KLC1: variants seen among roughly 807,000 people sequenced by gnomAD.
KLC1 encodes kinesin 2 60/70kDa.
KLC1 carries 30 observed loss-of-function variants against 84.2 expected under a neutral mutation model. That is an observed-to-expected ratio of 0.36 (90% CI 0.27 to 0.48). The LOEUF is 0.48. KLC1 is among the 20% of genes least tolerant of loss of function. KLC1 has a pLI of 0.99. For missense variants in KLC1, 499 were observed against 805.4 expected (o/e 0.62, Z 4.60); for synonymous variants, 289 against 293.3 (o/e 0.99, Z 0.15).
intron 1 of KLC1, among the ~76,000 whole-genome samples, chr14:103,649,299 C>T (rs535957924): frequency 6.6e-6 from 1 of 151,930 alleles, no homozygotes; most frequent in South Asian, 2.1e-4. Flanking sequence ...AACCACAATA[C>T]TATATAATTG....
chr14:103,669,710 T>A, intron 6 of KLC1, 112 bp downstream of exon 6: 1 of 746,404 alleles, frequency 1.3e-6, no homozygotes, highest in Non-Finnish European at 2.3e-6. Context: ...GTGCTGCCTT[T>A]TCCCTAGATG....
intron 13 of KLC1, 50 bp downstream of exon 13, chr14:103,679,595 G>A (rs201552029): frequency 7.0e-7 from 1 of 1,437,952 alleles, no homozygotes; most frequent in South Asian, 1.2e-5. Context: ...CCCCCAAGTG[G>A]CGCTTGCCAG....
intron 3 of KLC1, among the ~76,000 whole-genome samples, chr14:103,659,622 T>A (rs1372543133): frequency 6.6e-6 from 1 of 152,230 alleles, no homozygotes; most frequent in African/African-American, 2.4e-5. Context: ...AATACCTGTA[T>A]GATGCCAGAC....
At chr14:103,657,504 G>A (rs2151520075) in intron 2 of KLC1, 42 bp from the exon 3 acceptor site, 5 of 1,540,300 alleles carry the variant, frequency 3.2e-6, no homozygotes, top group East Asian at 4.5e-5. Flanking sequence ...GACTCTTGCT[G>A]GACAACGTGC....
intron 15 of KLC1, chr14:103,698,214 C>G (rs1470306247): frequency 2.3e-5 from 4 of 170,344 alleles, no homozygotes; most frequent in Non-Finnish European, 3.8e-5. Context: ...CACCTTGTAC[C>G]ACACTGAAGT....
intron 1 of KLC1, among the ~76,000 whole-genome samples, chr14:103,632,791 C>G (rs2076783350): frequency 6.6e-6 from 1 of 152,066 alleles, no homozygotes; most frequent in Non-Finnish European, 1.5e-5. Flanking sequence ...TGGGCAGGTA[C>G]CACAGACCAG....
At chr14:103,698,869 G>T in intron 15 of KLC1, 1 of 1,607,232 alleles carries the variant, frequency 6.2e-7, no homozygotes, top group Non-Finnish European at 8.5e-7. Flanking sequence ...GAGGAGGGGG[G>T]CAGGTGGGGG....
rs3212130 is a variant in KLC1 at position 103,697,307 on chromosome 14, G to A, written c.1849-3348G>A. 240 of 213,132 alleles carry A rather than the reference G, an allele frequency of 1.1e-3. 7 individuals carry two copies. The East Asian group carries it at 0.042, about 37-fold the overall frequency. 13.2% of individuals were successfully genotyped at this position (213,132 alleles called of 1,614,324 possible). A position where few individuals can be genotyped will look rare whatever the true frequency, so the allele number is the denominator to read the frequency against. On this transcript the variant is annotated intron_variant, in intron 15 of 16. Coordinates refer to ENST00000334553, the MANE Select transcript of KLC1 (RefSeq NM_001394837.1). ...AACGGATTGTCCCACCCTGGAAAAC[G>A]GCAAACAGAAAAATTCTGCACAGTA... is the stretch of plus-strand genomic sequence containing the variant.
intron 2 of KLC1, among the ~76,000 whole-genome samples, chr14:103,655,117 T>A (rs957956885): frequency 6.6e-6 from 1 of 151,804 alleles, no homozygotes; most frequent in Admixed American, 6.6e-5. Flanking sequence ...ATCCAGCTAC[T>A]AGGCAGGCTT....
intron 1 of KLC1, among the ~76,000 whole-genome samples, chr14:103,648,452 T>C (rs2078126711): frequency 6.6e-6 from 1 of 152,074 alleles, no homozygotes; most frequent in Non-Finnish European, 1.5e-5. Context: ...CCTCAGAATG[T>C]GGTAGTACGA....
intron 1 of KLC1, among the ~76,000 whole-genome samples, chr14:103,639,934 T>G (rs1479696273): frequency 6.6e-6 from 1 of 151,836 alleles, no homozygotes; most frequent in Non-Finnish European, 1.5e-5. Context: ...TTGGTATTTT[T>G]TTTTAGGATG....
chr14:103,658,361 T>C (rs959944216), intron 3 of KLC1, among the ~76,000 whole-genome samples: 4 of 149,802 alleles, frequency 2.7e-5, no homozygotes, highest in Admixed American at 6.7e-5. Context: ...CCCGGGTTCA[T>C]GTGATTCTCC....
At chr14:103,636,816 G>A (rs555386828) in intron 1 of KLC1, among the ~76,000 whole-genome samples, 85 of 152,016 alleles carry the variant, frequency 5.6e-4, no homozygotes, top group African/African-American at 2.0e-3. Flanking sequence ...TCTGCCTCCC[G>A]GGTTCACGCC....
At position 103,694,123 on chromosome 14, in the gene KLC1, C is replaced by T; in HGVS notation, c.1848+1698C>T. On this transcript the variant is annotated intron_variant, in intron 15 of 16. Coordinates refer to ENST00000334553, the MANE Select transcript of KLC1 (RefSeq NM_001394837.1). The surrounding 1 kb of genome is among the most constrained non-coding windows in gnomAD (Gnocchi z 4.5). ...CAGTGGGAAGTGAATTCCTTCCCAG[C>T]TGGAGCATCTTCCGGGTCTCTCTTT... is the stretch of plus-strand genomic sequence containing the variant. 8 of 984,606 alleles carry T rather than the reference C, an allele frequency of 8.1e-6. No homozygotes were observed. Among genetic ancestry groups the T allele is most frequent in the Non-Finnish European group, 9.7e-6 (8 of 828,948 alleles). 61.0% of individuals were successfully genotyped at this position (984,606 alleles called of 1,614,324 possible).
chr14:103,697,827 G>A lies in KLC1; in HGVS notation c.1849-2828G>A, dbSNP rs908109287. 5 of 152,390 alleles carry A rather than the reference G, an allele frequency of 3.3e-5. No individual in the cohort carries two copies. The East Asian group carries it at 9.6e-4, about 29-fold the overall frequency. 9.4% of individuals were successfully genotyped at this position (152,390 alleles called of 1,614,324 possible). A position where few individuals can be genotyped will look rare whatever the true frequency, so the allele number is the denominator to read the frequency against. On this transcript the variant is annotated intron_variant, in intron 15 of 16. Coordinates refer to ENST00000334553, the MANE Select transcript of KLC1 (RefSeq NM_001394837.1). ...AGGAGGCTCTGCTTTCCAGCCAGAT[G>A]TAAGGCCTGGCCACAGTGTGGGACT...
At position 103,694,696 on chromosome 14, in the gene KLC1, T is replaced by C. The variant is rs1348532421; in HGVS notation, c.1848+2271T>C. 1.0e-6 allele frequency: 1 copy of C among 985,440 alleles called. No individual in the cohort carries two copies. Among genetic ancestry groups the C allele is most frequent in the East Asian group, 1.1e-4 (1 of 8,808 alleles). 61.0% of individuals were successfully genotyped at this position (985,440 alleles called of 1,614,324 possible). On this transcript the variant is annotated intron_variant, in intron 15 of 16. Transcript: ENST00000334553. The surrounding 1 kb of genome is among the most constrained non-coding windows in gnomAD (Gnocchi z 4.5). Reference sequence around the variant, plus strand: ...GGGGCGGTCTGTGAAACACCAGCCATCCCGTGAAAGCTCAGCTTGCCACTG... The same window carrying C: ...GGGGCGGTCTGTGAAACACCAGCCACCCCGTGAAAGCTCAGCTTGCCACTG...
At chr14:103,680,587 C>CT (rs891340612) in intron 13 of KLC1, among the ~76,000 whole-genome samples, 4 of 152,194 alleles carry the variant, frequency 2.6e-5, no homozygotes, top group Admixed American at 2.0e-4. Flanking sequence ...CTTTGACTGT[C>CT]TATCTGGCAG....
intron 1 of KLC1, among the ~76,000 whole-genome samples, chr14:103,635,848 T>C (rs1300873330): frequency 6.6e-6 from 1 of 152,120 alleles, no homozygotes; most frequent in Non-Finnish European, 1.5e-5. Context: ...GAAACCAAAG[T>C]TACACAGCTG....
intron 15 of KLC1, chr14:103,695,120 C>A (rs1391280725): frequency 2.0e-6 from 2 of 983,610 alleles, no homozygotes; most frequent in East Asian, 2.3e-4. Flanking sequence ...TTCATAGGTT[C>A]TGTAATAGTG....
Sources: allele counts gnomAD v4.1 joint callset (sites outside exome capture counted in the v4.1 genomes callset), GRCh38; gene constraint gnomAD v4.1.1; non-coding constraint Gnocchi (gnomAD v3.1); transcripts MANE v1.5; gene names NCBI Gene and HGNC (gene_info 2026-07-23, HGNC 2026-07-21).